CLCN5: variants seen among roughly 807,000 people sequenced by gnomAD.
CLCN5 encodes the protein H(+)/Cl(-) exchange transporter 5.
In CLCN5, 17 loss-of-function variants were observed where a neutral mutation model predicts 54.0. The observed-to-expected ratio is 0.31, with a 90% CI of 0.22 to 0.47. The LOEUF (loss-of-function observed/expected upper bound fraction) is 0.47, where lower values mean the gene tolerates loss of function less well. CLCN5 is among the 20% of genes least tolerant of loss of function. The pLI, the probability that CLCN5 is intolerant of heterozygous loss-of-function variation, is 1.00. For missense variants in CLCN5, 448 were observed against 646.7 expected, an observed-to-expected ratio of 0.69 and a Z score of 3.33; for synonymous variants, 222 against 233.0, an observed-to-expected ratio of 0.95 and a Z score of 0.43.
At chrX:50,079,425 A>G (rs1361613511) in intron 7 of CLCN5, among the ~76,000 whole-genome samples, 1 of 111,879 alleles carries the variant, frequency 8.9e-6, no homozygotes, top group Non-Finnish European at 1.9e-5. Context: ...GCAATTCCTA[A>G]TATTTCTACC....
chrX:49,993,169 C>A (rs1557179221), intron 3 of CLCN5, among the ~76,000 whole-genome samples: 2 of 111,501 alleles, frequency 1.8e-5, no homozygotes, highest in Non-Finnish European at 3.8e-5. Context: ...CCCACACCCA[C>A]CTTCTCCACC....
chrX:50,001,805 C>G (rs1929834091), intron 3 of CLCN5, among the ~76,000 whole-genome samples: 1 of 110,778 alleles, frequency 9.0e-6, no homozygotes, highest in Non-Finnish European at 1.9e-5. Flanking sequence ...GTCCCATTTA[C>G]TCTTGAAAAC....
intron 4 of CLCN5, among the ~76,000 whole-genome samples, chrX:50,066,212 AAAAAGACAGTCACAG>A (rs1227789214): frequency 9.3e-6 from 1 of 108,051 alleles, no homozygotes; most frequent in Non-Finnish European, 1.9e-5. Context: ...CAAAAAAAAA[AAAAAGACAGTCACAG>A]TTGGGCCACA....
intron 3 of CLCN5, among the ~76,000 whole-genome samples, chrX:49,990,749 C>T (rs964570586): frequency 3.6e-5 from 4 of 112,336 alleles, no homozygotes; most frequent in African/African-American, 1.3e-4. Flanking sequence ...TTATATCATT[C>T]TTATGCCTTT....
intron 4 of CLCN5, among the ~76,000 whole-genome samples, chrX:50,065,322 A>G (rs1217018087): frequency 2.4e-5 from 2 of 84,635 alleles, no homozygotes; most frequent in Admixed American, 1.4e-4. Flanking sequence ...CAAGAAAAAA[A>G]CAAACAACCC....
chrX:49,950,474 G>A (rs952992300), intron 3 of CLCN5, among the ~76,000 whole-genome samples: 3 of 111,007 alleles, frequency 2.7e-5, no homozygotes, highest in Non-Finnish European at 5.7e-5. Context: ...CCTCAATATA[G>A]TTCTATAAGG....
chrX:49,942,853 C>T (rs781946150), intron 3 of CLCN5, among the ~76,000 whole-genome samples: 1,389 of 107,383 alleles, frequency 0.013, 9 homozygotes, highest in African/African-American at 0.045. Flanking sequence ...TGAATAGTGC[C>T]GCAATAAACA....
intron 3 of CLCN5, among the ~76,000 whole-genome samples, chrX:49,934,844 G>A (rs782540579): frequency 4.5e-5 from 5 of 111,663 alleles, no homozygotes; most frequent in East Asian, 5.6e-4. Context: ...GCCAAAAAAC[G>A]TGTTCAGATG....
chrX:50,050,321 A>G (rs1200834046), intron 4 of CLCN5: 1 of 112,178 alleles, frequency 8.9e-6, no homozygotes, highest in Non-Finnish European at 1.9e-5. Flanking sequence ...AAGTGGCTAT[A>G]CCATTTTGCA....
intron 3 of CLCN5, chrX:50,003,007 G>A (rs1400852440): frequency 4.2e-6 from 1 of 236,040 alleles, no homozygotes; most frequent in Admixed American, 4.7e-5. Context: ...CAAATATGTT[G>A]TAGATAGTGA....
At chrX:50,073,110 A>G (rs374222191) in intron 6 of CLCN5, among the ~76,000 whole-genome samples, 71 of 110,436 alleles carry the variant, frequency 6.4e-4, no homozygotes, top group African/African-American at 2.2e-3. Context: ...AACTCCTTCA[A>G]CCTTCCCTGC....
chrX:49,974,092 A>G (rs1477508087), intron 3 of CLCN5, among the ~76,000 whole-genome samples: 2 of 111,803 alleles, frequency 1.8e-5, no homozygotes, highest in Non-Finnish European at 3.8e-5. Flanking sequence ...ATTCCTTTTT[A>G]TTGCCTAATA....
At chrX:49,990,533 G>A (rs782707817) in intron 3 of CLCN5, among the ~76,000 whole-genome samples, 2 of 110,949 alleles carry the variant, frequency 1.8e-5, no homozygotes, top group African/African-American at 6.6e-5. Flanking sequence ...CACCTCCCAG[G>A]TTCAAGCAAT....
At chrX:49,935,052 C>G (rs1456483958) in intron 3 of CLCN5, among the ~76,000 whole-genome samples, 1 of 111,867 alleles carries the variant, frequency 8.9e-6, no homozygotes, top group African/African-American at 3.3e-5. Context: ...ATTCTCAACT[C>G]TGTCAAGCTA....
chrX:49,972,257 C>G (rs917967965), intron 3 of CLCN5, among the ~76,000 whole-genome samples: 4 of 109,805 alleles, frequency 3.6e-5, no homozygotes, highest in African/African-American at 1.3e-4. Flanking sequence ...GAGACATTCT[C>G]TTACACAACT....
rs187730600 is a variant in CLCN5 at position 49,964,882 on chromosome X, A to C, written c.16+39568A>C. ...TCTTTTCCATTGCTCCCTCAACAGCAGAATCCTACAGACCGCACATAGGAT... is the reference window on the plus strand; with the variant it reads ...TCTTTTCCATTGCTCCCTCAACAGCCGAATCCTACAGACCGCACATAGGAT... On this transcript the variant is annotated intron_variant, in intron 3 of 14. Transcript: ENST00000376091. Among the ~76,000 whole-genome samples the C allele has an allele frequency of 3.8e-3, 422 of 111,334 alleles. 4 individuals carry two copies. Among genetic ancestry groups the C allele is most frequent in the African/African-American group, 0.013 (396 of 30,683 alleles).
chrX:49,936,826 T>A (rs1360227615), intron 3 of CLCN5, among the ~76,000 whole-genome samples: 1 of 112,409 alleles, frequency 8.9e-6, no homozygotes, highest in Admixed American at 9.4e-5. Context: ...GGTTGCCTTC[T>A]AGTTGCCATC....
intron 3 of CLCN5, among the ~76,000 whole-genome samples, chrX:49,938,153 G>A (rs1375188010): frequency 8.1e-5 from 9 of 111,471 alleles, no homozygotes; most frequent in African/African-American, 2.6e-4. Flanking sequence ...GAGATAGGTG[G>A]TAGAACACAA....
intron 4 of CLCN5, among the ~76,000 whole-genome samples, chrX:50,055,942 T>G (rs958409818): frequency 3.6e-5 from 4 of 110,998 alleles, no homozygotes; most frequent in Non-Finnish European, 5.6e-5. Flanking sequence ...TTTCATTGTT[T>G]CTGGGTTTTT....
Sources: allele counts gnomAD v4.1 joint callset (sites outside exome capture counted in the v4.1 genomes callset), GRCh38; gene constraint gnomAD v4.1.1; transcripts MANE v1.5; gene names NCBI Gene and HGNC (gene_info 2026-07-23, HGNC 2026-07-21).